Variants in JMJD1C observed in about 807,000 individuals in gnomAD.
JMJD1C encodes the protein jumonji domain containing 1C.
In JMJD1C, 31 loss-of-function variants were observed where a neutral mutation model predicts 245.3. The ratio of observed to expected loss-of-function variants is 0.13; its 90% confidence interval spans 0.09 to 0.17. The LOEUF (loss-of-function observed/expected upper bound fraction) is 0.17. Among genes scored for constraint, JMJD1C ranks in the 10% least tolerant of loss-of-function variants. The probability of loss-of-function intolerance (pLI) is 1.00; values close to 1 mark genes in which losing one functional copy is unlikely to be tolerated. For missense variants in JMJD1C, 2,691 were observed against 3,000.2 expected (o/e 0.90, Z 2.41); for synonymous variants, 1,057 against 1,017.4 (o/e 1.04, Z -0.74).
chr10:63,404,044 G>A (rs930868002), intron 1 of JMJD1C, among the ~76,000 whole-genome samples: 1 of 152,128 alleles, frequency 6.6e-6, no homozygotes, highest in Non-Finnish European at 1.5e-5. Flanking sequence ...TAGCTCAGGA[G>A]GCAGAGGTTG....
chr10:63,433,223 A>G (rs1460980912), intron 1 of JMJD1C, among the ~76,000 whole-genome samples: 1 of 151,768 alleles, frequency 6.6e-6, no homozygotes, highest in Non-Finnish European at 1.5e-5. Flanking sequence ...CAGCCTCCCG[A>G]GTAGCTGGGA....
intron 1 of JMJD1C, among the ~76,000 whole-genome samples, chr10:63,480,678 A>C (rs1338006094): frequency 1.3e-5 from 2 of 152,052 alleles, no homozygotes; most frequent in African/African-American, 4.8e-5. Flanking sequence ...TTGAATGCCT[A>C]TAGATAGAGG....
chr10:63,415,206 A>T (rs926184621), intron 1 of JMJD1C, among the ~76,000 whole-genome samples: 3 of 152,124 alleles, frequency 2.0e-5, no homozygotes, highest in African/African-American at 7.2e-5. Flanking sequence ...TTAATATATA[A>T]TATCACAGGT....
intron 2 of JMJD1C, among the ~76,000 whole-genome samples, chr10:63,375,616 T>C (rs1273505369): frequency 6.6e-6 from 1 of 151,554 alleles, no homozygotes; most frequent in Non-Finnish European, 1.5e-5. Context: ...AATGACACAA[T>C]CATGGCTCAC....
chr10:63,260,749 C>T (rs891424077), intron 3 of JMJD1C, among the ~76,000 whole-genome samples: 16 of 79,778 alleles, frequency 2.0e-4, no homozygotes, highest in Non-Finnish European at 4.6e-4. Context: ...GCCACCACGC[C>T]GGTTAATTTT....
chr10:63,515,276 G>A (rs1258917604), intron 1 of JMJD1C, among the ~76,000 whole-genome samples: 1 of 152,160 alleles, frequency 6.6e-6, no homozygotes, highest in Non-Finnish European at 1.5e-5. Flanking sequence ...TTGGTTCTAA[G>A]AGAAATAATT....
At chr10:63,238,006 T>TAAAAAAAAA (rs35736445) in intron 3 of JMJD1C, among the ~76,000 whole-genome samples, 1 of 27,602 alleles carries the variant, frequency 3.6e-5, no homozygotes, top group East Asian at 1.3e-3. Context: ...CCGTCTCTAC[T>TAAAAAAAAA]AAAAAAAAAA....
intron 10 of JMJD1C, chr10:63,204,251 G>C: frequency 1.2e-5 from 12 of 985,080 alleles, no homozygotes; most frequent in Non-Finnish European, 1.4e-5. Context: ...TGAACAAATG[G>C]GTCATAAAAC....
chr10:63,472,402 A>C (rs1408409690), intron 1 of JMJD1C, among the ~76,000 whole-genome samples: 3 of 152,102 alleles, frequency 2.0e-5, no homozygotes, highest in Admixed American at 2.0e-4. Context: ...GCGTAATCTC[A>C]GCTACTGCAA....
chr10:63,302,927 CAG>C (rs144468724), intron 2 of JMJD1C, among the ~76,000 whole-genome samples: 2,021 of 152,252 alleles, frequency 0.013, 29 homozygotes, highest in African/African-American at 0.034. Context: ...TTTTCTGAGA[CAG>C]AGTCTTACTC....
intron 2 of JMJD1C, among the ~76,000 whole-genome samples, chr10:63,297,117 G>A (rs899269380): frequency 4.6e-5 from 7 of 152,160 alleles, no homozygotes; most frequent in Non-Finnish European, 1.0e-4. Context: ...TGTCGACAGC[G>A]AAGTGTTTAT....
At chr10:63,337,954 G>C (rs1032762522) in intron 2 of JMJD1C, among the ~76,000 whole-genome samples, 1 of 152,154 alleles carries the variant, frequency 6.6e-6, no homozygotes, top group South Asian at 2.1e-4. Context: ...GATGTGGCAA[G>C]TAAAACTATA....
At chr10:63,274,091 T>A (rs1301846391) in intron 2 of JMJD1C, among the ~76,000 whole-genome samples, 1 of 152,172 alleles carries the variant, frequency 6.6e-6, no homozygotes, top group Non-Finnish European at 1.5e-5. Flanking sequence ...TAAATATTTT[T>A]AAAGACATAT....
intron 1 of JMJD1C, among the ~76,000 whole-genome samples, chr10:63,474,607 C>T (rs1300686886): frequency 2.6e-5 from 4 of 152,006 alleles, no homozygotes; most frequent in Admixed American, 6.6e-5. Context: ...TGTACCACCA[C>T]GTCCAGCTCA....
intron 1 of JMJD1C, among the ~76,000 whole-genome samples, chr10:63,486,903 A>G (rs1477731930): frequency 6.6e-6 from 1 of 152,206 alleles, no homozygotes; most frequent in African/African-American, 2.4e-5. Context: ...AGTACCTTAC[A>G]TGATTTCTAT....
chr10:63,446,427 C>T (rs1440475950), intron 1 of JMJD1C, among the ~76,000 whole-genome samples: 1 of 152,084 alleles, frequency 6.6e-6, no homozygotes, highest in Non-Finnish European at 1.5e-5. Flanking sequence ...CAACAAGAGT[C>T]TGAGATTTAG....
intron 17 of JMJD1C, 29 bp from the exon 18 acceptor site, chr10:63,189,475 A>C: frequency 6.4e-7 from 1 of 1,563,898 alleles, no homozygotes; most frequent in African/African-American, 1.4e-5. Flanking sequence ...AACAAAAAAA[A>C]CCTGTTTTTG....
rs201464655 is a variant in JMJD1C at position 63,214,464 on chromosome 10, T to A, written c.1703A>T (p.Asp568Val). 1.5e-3 allele frequency: 2,463 copies of A among 1,614,010 alleles called. 3 individuals are homozygous for A. Among genetic ancestry groups the A allele is most frequent in the Non-Finnish European group, 1.9e-3 (2,271 of 1,179,978 alleles). ...TTGGGTTAGATCCACTTTAACTACA[T>A]CACTGACCCAGCTCTGGTCAGAATC... ...KKDSDQSWVS[D>V]VVKVDLTQSS... The change falls in exon 8 of 26, where the codon GAT (aspartate) becomes GTT (valine). Residue 568 changes from aspartate to valine, a missense_variant. Around this residue, in one of 9 missense-constraint regions of JMJD1C, gnomAD observed 1,562 missense variants for 1,490.7 expected, o/e 1.05. Transcript: ENST00000399262.
intron 2 of JMJD1C, among the ~76,000 whole-genome samples, chr10:63,295,261 ATTTTT>A (rs5785568): frequency 7.2e-6 from 1 of 138,662 alleles, no homozygotes. Context: ...TGCCCAACTA[ATTTTT>A]TTTTTTTTTT....
Sources: allele counts gnomAD v4.1 joint callset (sites outside exome capture counted in the v4.1 genomes callset), GRCh38; gene constraint gnomAD v4.1.1; regional missense constraint gnomAD v4.1.1; transcripts MANE v1.5; gene names NCBI Gene and HGNC (gene_info 2026-07-23, HGNC 2026-07-21).